Variants in ACTN4 observed in about 807,000 individuals in gnomAD.
The protein encoded by ACTN4 is actinin alpha 4.
In ACTN4, 18 loss-of-function variants were observed where a neutral mutation model predicts 114.2. The ratio of observed to expected loss-of-function variants is 0.16; its 90% CI spans 0.11 to 0.23. The LOEUF is 0.23. Ranked by LOEUF, ACTN4 falls within the 10% of genes least tolerant of loss-of-function variation. The pLI is 1.00. For synonymous variants in ACTN4, 515 were observed against 506.3 expected, an observed-to-expected ratio of 1.02 and a Z score of -0.23; for missense variants, 722 against 1,262.9, an observed-to-expected ratio of 0.57 and a Z score of 6.49.
At chr19:38,662,174 T>G (rs1039889931) in intron 1 of ACTN4, among the ~76,000 whole-genome samples, 2 of 152,182 alleles carry the variant, frequency 1.3e-5, no homozygotes, top group African/African-American at 4.8e-5. Context: ...TCAGTAGGTT[T>G]CATTGGACCC....
At chr19:38,687,316 A>T (rs1275715503) in intron 1 of ACTN4, among the ~76,000 whole-genome samples, 1 of 152,112 alleles carries the variant, frequency 6.6e-6, no homozygotes, top group Non-Finnish European at 1.5e-5. Flanking sequence ...TTATGGAACA[A>T]GGGGGTTGGA....
intron 1 of ACTN4, among the ~76,000 whole-genome samples, chr19:38,699,823 A>G (rs56946356): frequency 0.057 from 8,613 of 151,572 alleles, 260 homozygotes; most frequent in South Asian, 0.097. Context: ...AGACAGAGGG[A>G]CGGGGGCATC....
chr19:38,658,730 C>T (rs1976783239), intron 1 of ACTN4, among the ~76,000 whole-genome samples: 1 of 152,130 alleles, frequency 6.6e-6, no homozygotes, highest in Non-Finnish European at 1.5e-5. Context: ...ATGAATCGAC[C>T]CTTCTTACAG....
At chr19:38,707,073 G>A (rs866336945) in intron 5 of ACTN4, among the ~76,000 whole-genome samples, 4 of 152,160 alleles carry the variant, frequency 2.6e-5, no homozygotes, top group Non-Finnish European at 5.9e-5. Context: ...GGCCTCATGG[G>A]GTTTGCAGCG....
At chr19:38,686,984 G>A (rs1335941323) in intron 1 of ACTN4, among the ~76,000 whole-genome samples, 2 of 128,018 alleles carry the variant, frequency 1.6e-5, no homozygotes, top group African/African-American at 2.9e-5. Context: ...TTTTTTTTGA[G>A]ACAGAGTCTC....
chr19:38,707,818 A>G (rs140080463), intron 5 of ACTN4, among the ~76,000 whole-genome samples: 86 of 152,318 alleles, frequency 5.6e-4, no homozygotes, highest in African/African-American at 7.2e-4. Flanking sequence ...TTTAATCCGC[A>G]CAACAGCCCT....
rs150971536 is a variant in ACTN4, at chr19:38,671,559, T to C, written c.162+23652T>C. Among the ~76,000 whole-genome samples the C allele has an allele frequency of 2.4e-3, 368 of 152,330 alleles. 2 individuals are homozygous for C. Among genetic ancestry groups the C allele is most frequent in the African/African-American group, 8.4e-3 (350 of 41,560 alleles). On this transcript the variant is annotated intron_variant, in intron 1 of 20. Transcript: ENST00000252699. ...AGATCCATCCTGAGATCTTTGTAAA[T>C]GGAAAAGCCTGAATGCAGCGTTTCT... is the stretch of plus-strand genomic sequence containing the variant.
chr19:38,714,313 T>C (rs916394526), intron 8 of ACTN4, among the ~76,000 whole-genome samples, 156 bp from the exon 9 acceptor site: 2 of 152,168 alleles, frequency 1.3e-5, no homozygotes, highest in African/African-American at 4.8e-5. Flanking sequence ...ACAAGGCCTA[T>C]TGGGACAGGG....
rs899940472 is a variant in ACTN4, at chr19:38,727,397, G to T, written c.2337+294G>T. Reference sequence around the variant, plus strand: ...AAGTCTCAGCACACCCAGGCTTTGCGACCCGGTCTGTGAACCTGGACACAG... The same window carrying T: ...AAGTCTCAGCACACCCAGGCTTTGCTACCCGGTCTGTGAACCTGGACACAG... On this transcript the variant is annotated intron_variant, in intron 18 of 20. Coordinates refer to ENST00000252699, the MANE Select transcript of ACTN4 (RefSeq NM_004924.6). This position sits in a 1 kb window ranked among gnomAD's most constrained non-coding sequence, Gnocchi z 5.4. Among the ~76,000 whole-genome samples, 1 of 152,082 alleles carries T rather than the reference G, an allele frequency of 6.6e-6. No homozygotes were observed. The highest frequency in any genetic ancestry group is 1.5e-5 in the Non-Finnish European group (1 of 68,002).
At chr19:38,691,972 A>G (rs1967945631) in intron 1 of ACTN4, among the ~76,000 whole-genome samples, 2 of 151,946 alleles carry the variant, frequency 1.3e-5, no homozygotes, top group Non-Finnish European at 2.9e-5. Flanking sequence ...CTCAAAGGGG[A>G]TTGTCCAAGA....
intron 3 of ACTN4, among the ~76,000 whole-genome samples, chr19:38,703,678 C>G (rs1290742403): frequency 6.6e-6 from 1 of 152,174 alleles, no homozygotes; most frequent in Non-Finnish European, 1.5e-5. Context: ...GTGGTCAGAG[C>G]AGCCCCGCCC....
At chr19:38,728,439 T>TCCCCCCCC in intron 19 of ACTN4, 1 of 922,200 alleles carries the variant, frequency 1.1e-6, no homozygotes, top group Non-Finnish European at 1.4e-6. Context: ...CTCCTCCTCC[T>TCCCCCCCC]CCTCCTCCTC....
Position 38,729,095 on chromosome 19 carries a change from A to G in ACTN4, c.2518A>G (p.Thr840Ala). The G allele has an allele frequency of 6.2e-7, 1 of 1,613,300 alleles. No homozygotes were observed. Among genetic ancestry groups the G allele is most frequent in the East Asian group, 2.2e-5 (1 of 44,896 alleles). The stretch of plus-strand genomic sequence containing the variant: ...CATCGACTTCATGTCGCGGGAGACC[A>G]CCGACACGGACACGGCTGACCAGGT... ...AFIDFMSRET[T>A]DTDTADQVIA... is the part of the protein sequence containing the mutation. The change falls in exon 20 of 21, where the codon ACC becomes GCC. Residue 840 changes from threonine (T) to alanine (A), a missense_variant. This residue lies in a region of ACTN4 where 523 missense variants were observed against 875.9 expected (regional missense o/e 0.60). Transcript: ENST00000252699.
At chr19:38,680,085 C>T (rs923853315) in intron 1 of ACTN4, among the ~76,000 whole-genome samples, 4 of 152,104 alleles carry the variant, frequency 2.6e-5, no homozygotes, top group East Asian at 3.9e-4. Context: ...TCACTCACCA[C>T]GCTCTATCGC....
chr19:38,700,931 T>C, intron 2 of ACTN4, 71 bp from the exon 3 acceptor site: 1 of 1,591,704 alleles, frequency 6.3e-7, no homozygotes, highest in East Asian at 2.3e-5. Flanking sequence ...CTAAAGCCTC[T>C]CTCCCTCTCG....
intron 3 of ACTN4, among the ~76,000 whole-genome samples, chr19:38,703,549 T>G (rs2145003827): frequency 6.6e-6 from 1 of 152,108 alleles, no homozygotes; most frequent in Middle Eastern, 3.4e-3. Context: ...GCCGCAAATG[T>G]TTGTTTTTAG....
At chr19:38,663,628 G>A (rs879843995) in intron 1 of ACTN4, among the ~76,000 whole-genome samples, 18 of 152,342 alleles carry the variant, frequency 1.2e-4, no homozygotes, top group East Asian at 1.9e-4. Flanking sequence ...CAAGTATTAG[G>A]GGGTCCGGCG....
chr19:38,659,448 T>C (rs1161270958), intron 1 of ACTN4, among the ~76,000 whole-genome samples: 1 of 152,102 alleles, frequency 6.6e-6, no homozygotes, highest in South Asian at 2.1e-4. Flanking sequence ...GGATGATTGG[T>C]TAATAGATTG....
chr19:38,723,094 C>T (rs1199918299), intron 12 of ACTN4, among the ~76,000 whole-genome samples: 1 of 152,200 alleles, frequency 6.6e-6, no homozygotes, highest in Non-Finnish European at 1.5e-5. Context: ...CTGAGGGAAC[C>T]GAGGCACAGA....
Sources: allele counts gnomAD v4.1 joint callset (sites outside exome capture counted in the v4.1 genomes callset), GRCh38; gene constraint gnomAD v4.1.1; regional missense constraint gnomAD v4.1.1; non-coding constraint Gnocchi (gnomAD v3.1); transcripts MANE v1.5; gene names NCBI Gene and HGNC (gene_info 2026-07-23, HGNC 2026-07-21).